Variants in RTTN observed in about 807,000 individuals in gnomAD.
The protein encoded by RTTN is rotatin.
RTTN carries 182 observed loss-of-function variants against 269.2 expected under a neutral mutation model. That is an observed-to-expected ratio of 0.68 (90% CI 0.60 to 0.76). The LOEUF is 0.76. RTTN is among the 30% of genes least tolerant of loss of function. RTTN has a pLI of 0.00. For synonymous variants in RTTN, 1,006 were observed against 963.5 expected (o/e 1.04, Z -0.82); for missense variants, 2,545 against 2,608.6 (o/e 0.98, Z 0.53).
intron 23 of RTTN, chr18:70,131,311 C>A (rs937370435): frequency 1.3e-5 from 2 of 151,062 alleles, no homozygotes; most frequent in East Asian, 1.9e-4. Context: ...TGACTATTTA[C>A]TGCATAAAAT....
intron 28 of RTTN, among the ~76,000 whole-genome samples, chr18:70,099,608 G>A (rs922756659): frequency 6.6e-6 from 1 of 152,102 alleles, no homozygotes; most frequent in Non-Finnish European, 1.5e-5. Flanking sequence ...GTCTATTTTG[G>A]CTTTTGTTGC....
At chr18:70,017,983 TTTCTC>T (rs1421834537) in intron 45 of RTTN, among the ~76,000 whole-genome samples, 1 of 152,206 alleles carries the variant, frequency 6.6e-6, no homozygotes, top group Non-Finnish European at 1.5e-5. Context: ...GCTCTTGAGT[TTTCTC>T]TTCTCTCTGC....
chr18:70,186,476 G>A (rs554249873), intron 10 of RTTN, among the ~76,000 whole-genome samples: 45 of 152,264 alleles, frequency 3.0e-4, no homozygotes, highest in African/African-American at 1.0e-3. Flanking sequence ...TGGCTCAGCC[G>A]GGCGCGGTGG....
intron 32 of RTTN, 103 bp from the exon 33 acceptor site, chr18:70,075,644 C>T: frequency 1.2e-6 from 1 of 818,984 alleles, no homozygotes. Context: ...GTCCCAGATG[C>T]TCCCATCTCC....
intron 27 of RTTN, among the ~76,000 whole-genome samples, chr18:70,110,783 C>T (rs551253397): frequency 5.9e-5 from 9 of 152,236 alleles, no homozygotes; most frequent in Non-Finnish European, 1.2e-4. Flanking sequence ...CCCACTCCCA[C>T]GGAGCCCAGC....
intron 28 of RTTN, among the ~76,000 whole-genome samples, chr18:70,100,589 A>T (rs1466467931): frequency 6.6e-6 from 1 of 152,032 alleles, no homozygotes; most frequent in Non-Finnish European, 1.5e-5. Context: ...CTGCCTGATT[A>T]CCCTGGCCAG....
intron 4 of RTTN, among the ~76,000 whole-genome samples, chr18:70,201,660 T>C (rs1166366589): frequency 1.5e-5 from 2 of 135,234 alleles, no homozygotes; most frequent in Admixed American, 1.5e-4. Context: ...TACGACATAC[T>C]ACTGCCATTA....
At chr18:70,201,815 C>G in intron 4 of RTTN, 79 bp downstream of exon 4, 4 of 822,424 alleles carry the variant, frequency 4.9e-6, no homozygotes, top group Non-Finnish European at 7.9e-6. Flanking sequence ...GGTAAAAATA[C>G]ATCTTCACAA....
At chr18:70,053,298 C>T (rs761686352) in intron 38 of RTTN, 3 of 152,234 alleles carry the variant, frequency 2.0e-5, no homozygotes, top group African/African-American at 7.2e-5. Context: ...GCCTCACCCT[C>T]TTCTCCCCAG....
At chr18:70,052,072 G>C (rs1168768164) in intron 38 of RTTN, among the ~76,000 whole-genome samples, 1 of 152,096 alleles carries the variant, frequency 6.6e-6, no homozygotes, top group East Asian at 2.0e-4. Flanking sequence ...AGAAGATTCT[G>C]CAGCTTTTCC....
At chr18:70,115,524 A>AC (rs1406256921) in intron 26 of RTTN, among the ~76,000 whole-genome samples, 2 of 151,552 alleles carry the variant, frequency 1.3e-5, no homozygotes, top group Non-Finnish European at 3.0e-5. Flanking sequence ...CTGTGCTAAA[A>AC]AAAAAAGATA....
chr18:70,183,621 G>T (rs1165970507), intron 10 of RTTN, among the ~76,000 whole-genome samples: 1 of 152,088 alleles, frequency 6.6e-6, no homozygotes, highest in African/African-American at 2.4e-5. Flanking sequence ...GACATCTTGA[G>T]CTAAAACATT....
In RTTN at chr18:70,199,459, A is replaced by T. The variant is rs200671558; in HGVS notation, c.533T>A (p.Leu178Gln). 4.3e-6 allele frequency: 7 copies of T among 1,613,290 alleles called. No homozygotes were observed. In the Admixed American group the frequency reaches 8.3e-5, roughly 19 times the overall value. Residue 178 changes from leucine (L) to glutamine (Q), a missense_variant, in exon 5 of 49, where the codon CTA becomes CAA. By Grantham distance (113) the Leu-to-Gln change is moderately radical (BLOSUM62 -2). Coordinates refer to ENST00000640769, the MANE Select transcript of RTTN (RefSeq NM_173630.4). ...ATGTCTGTCTGTGGTGGTCAGGGGTAGCCAAGGAAATGTAGAAAACTTCAA... is the reference window on the plus strand; with the variant it reads ...ATGTCTGTCTGTGGTGGTCAGGGGTTGCCAAGGAAATGTAGAAAACTTCAA... ...KCLKFSTFPW[L>Q]PLTTTDRHVL...
chr18:70,079,351 A>C (rs930260236), intron 32 of RTTN, among the ~76,000 whole-genome samples: 2 of 152,122 alleles, frequency 1.3e-5, no homozygotes, highest in Non-Finnish European at 1.5e-5. Flanking sequence ...TTATTTAACT[A>C]AGCATTAAGC....
rs1327602619 is a variant in RTTN, at chr18:70,199,501, T to C, written c.491A>G (p.Asn164Ser). Residue 164 changes from asparagine to serine, a missense_variant, in exon 5 of 49, where the codon AAT becomes AGT. Physicochemically the swap from Asn to Ser is conservative, Grantham distance 46. Coordinates refer to ENST00000640769, the MANE Select transcript of RTTN (RefSeq NM_173630.4). ...AAACTTCAAGCACTTCACAGTCTGATTTACTGTCAGTGAAAGAGCAAATCT... is the reference window on the plus strand; with the variant it reads ...AAACTTCAAGCACTTCACAGTCTGACTTACTGTCAGTGAAAGAGCAAATCT... ...QMEVPPRPVV[N>S]QTVKCLKFST... is the part of the protein sequence containing the mutation. The C allele has an allele frequency of 6.2e-7, 1 of 1,605,932 alleles. No individual in the cohort carries two copies. The highest frequency in any genetic ancestry group is 8.5e-7 in the Non-Finnish European group (1 of 1,172,896).
At chr18:70,095,127 C>CTTTTTTTTTTT (rs138773918) in intron 28 of RTTN, among the ~76,000 whole-genome samples, 1 of 145,686 alleles carries the variant, frequency 6.9e-6, no homozygotes, top group Non-Finnish European at 1.5e-5. Flanking sequence ...GCAACTCCTG[C>CTTTTTTTTTTT]TTTTTTTTTT....
intron 35 of RTTN, among the ~76,000 whole-genome samples, chr18:70,062,444 A>G (rs1198490354): frequency 6.6e-6 from 1 of 151,934 alleles, no homozygotes; most frequent in East Asian, 1.9e-4. Context: ...TTTTCTTTCT[A>G]CACAAATAGA....
rs758679359 is a variant in RTTN, at chr18:70,017,518, A to C, written c.6310T>G (p.Leu2104Val). 1 of 1,614,074 alleles carries C rather than the reference A, an allele frequency of 6.2e-7. No individual in the cohort carries two copies. The highest frequency in any genetic ancestry group is 8.5e-7 in the Non-Finnish European group (1 of 1,179,954). Residue 2104 changes from leucine (L) to valine (V), a missense_variant, in exon 46 of 49, where the codon TTA (leucine) becomes GTA (valine). Leu to Val is a conservative substitution (Grantham distance 32). Coordinates refer to ENST00000640769, the MANE Select transcript of RTTN (RefSeq NM_173630.4). The part of the protein sequence containing the change: ...MILRLDGCLD[L>V]LTEMSKYKHK... ...TTGTATTTGCTCATCTCTGTTAGTAAGTCTAGACAGCCATCAAGCCTCAGA... is the reference window on the plus strand; with the variant it reads ...TTGTATTTGCTCATCTCTGTTAGTACGTCTAGACAGCCATCAAGCCTCAGA...
intron 46 of RTTN, among the ~76,000 whole-genome samples, chr18:70,009,515 C>A (rs981508908): frequency 6.6e-6 from 1 of 152,120 alleles, no homozygotes; most frequent in South Asian, 2.1e-4. Context: ...AAATCCTTTA[C>A]AGAAAAGCAA....
Sources: gnomAD v4.1 joint callset for allele counts (sites outside exome capture counted in the v4.1 genomes callset) on GRCh38, gnomAD v4.1.1 for gene constraint, MANE v1.5 for transcripts, NCBI Gene and HGNC (gene_info 2026-07-23, HGNC 2026-07-21) for gene names.